PARD3B: variants seen among roughly 807,000 people sequenced by gnomAD.
The protein encoded by PARD3B is par-3 family cell polarity regulator beta.
Under a neutral mutation model 130.2 loss-of-function variants are expected in PARD3B, and 103 were observed. The ratio of observed to expected loss-of-function variants is 0.79; its 90% CI spans 0.67 to 0.93. The LOEUF (loss-of-function observed/expected upper bound fraction) is 0.93. Among genes scored for constraint, PARD3B ranks in the 40% least tolerant of loss-of-function variants. PARD3B has a pLI of 0.00. For synonymous variants in PARD3B, 583 were observed against 553.2 expected (o/e 1.05, Z -0.76); for missense variants, 1,609 against 1,499.2 (o/e 1.07, Z -1.21).
chr2:205,169,520 TC>T (rs2035026891), intron 11 of PARD3B, among the ~76,000 whole-genome samples: 1 of 152,252 alleles, frequency 6.6e-6, no homozygotes, highest in Non-Finnish European at 1.5e-5. Context: ...TGACGTTGTC[TC>T]ATACTTCACA....
intron 1 of PARD3B, among the ~76,000 whole-genome samples, chr2:204,647,471 TA>T (rs1415290619): frequency 1.3e-5 from 2 of 151,880 alleles, no homozygotes; most frequent in African/African-American, 4.8e-5. Context: ...CTTATTTGCA[TA>T]TTTTTTTGAC....
At chr2:205,531,466 C>T (rs149038687) in intron 21 of PARD3B, among the ~76,000 whole-genome samples, 1 of 152,196 alleles carries the variant, frequency 6.6e-6, no homozygotes, top group African/African-American at 2.4e-5. Context: ...TTTCATATCT[C>T]CTGTCATATT....
chr2:204,965,378 T>C, intron 3 of PARD3B, 55 bp downstream of exon 3: 1 of 1,520,082 alleles, frequency 6.6e-7, no homozygotes, highest in South Asian at 1.2e-5. Flanking sequence ...CGTCATCTTG[T>C]TGATTAGGCA....
chr2:204,896,703 C>T (rs2046653933), intron 2 of PARD3B, among the ~76,000 whole-genome samples: 1 of 152,128 alleles, frequency 6.6e-6, no homozygotes. Context: ...TGACAAGACT[C>T]TACAGTCTTA....
chr2:204,958,061 C>T (rs1690423255), intron 2 of PARD3B, among the ~76,000 whole-genome samples: 1 of 152,094 alleles, frequency 6.6e-6, no homozygotes, highest in African/African-American at 2.4e-5. Flanking sequence ...TACATTAGTT[C>T]ACTTGACATG....
At chr2:205,138,766 G>A (rs2032703747) in intron 10 of PARD3B, among the ~76,000 whole-genome samples, 1 of 152,278 alleles carries the variant, frequency 6.6e-6, no homozygotes, top group African/African-American at 2.4e-5. Context: ...GTGTTTGTTT[G>A]TTCCATACTT....
rs1575935851 is a variant in PARD3B at position 205,142,723 on chromosome 2, C to A, written c.1435-15999C>A. ...TGAAACCCCGTCTCTACTAAAAATA[C>A]AAAAATTAGCCAGGCGTGGTGGTGC... is the stretch of plus-strand genomic sequence containing the variant. On this transcript the variant is annotated intron_variant, in intron 10 of 22. Coordinates refer to ENST00000406610, the MANE Select transcript of PARD3B (RefSeq NM_001302769.2). The surrounding 1 kb of genome is among the most constrained non-coding windows in gnomAD (Gnocchi z 4.3). 6.6e-6 allele frequency among the ~76,000 whole-genome samples: 1 copy of A among 151,750 alleles called. No homozygotes were observed. The highest frequency in any genetic ancestry group is 1.5e-5 in the Non-Finnish European group (1 of 67,928).
At chr2:204,823,616 T>G (rs564328048) in intron 2 of PARD3B, among the ~76,000 whole-genome samples, 85 of 152,182 alleles carry the variant, frequency 5.6e-4, no homozygotes, top group Non-Finnish European at 1.2e-3. Flanking sequence ...TGATACTTAT[T>G]TCCTTATTAA....
At chr2:205,037,513 T>G (rs1480176114) in intron 3 of PARD3B, among the ~76,000 whole-genome samples, 2 of 146,562 alleles carry the variant, frequency 1.4e-5, no homozygotes, top group East Asian at 3.9e-4. Context: ...GTGGACTATA[T>G]ATATAAAATA....
intron 2 of PARD3B, among the ~76,000 whole-genome samples, chr2:204,803,879 A>G (rs896869575): frequency 1.3e-5 from 2 of 152,162 alleles, no homozygotes; most frequent in African/African-American, 4.8e-5. Context: ...TTGAATGTAA[A>G]TAGACTAAAC....
Position 204,848,425 on chromosome 2 carries a change from G to C in PARD3B, c.223-116727G>C, listed in dbSNP as rs74325682. On this transcript the variant is annotated intron_variant, in intron 2 of 22. Coordinates refer to ENST00000406610, the MANE Select transcript of PARD3B (RefSeq NM_001302769.2). ...TTTCTGGCTTCCAGAATTGCTGTCA[G>C]AATATCAGCTGTCAGCCTGGGCAAC... is the stretch of plus-strand genomic sequence containing the variant. 0.012 allele frequency among the ~76,000 whole-genome samples: 1,877 copies of C among 152,180 alleles called. 60 individuals are homozygous for C. In the East Asian group the frequency reaches 0.15, roughly 12 times the overall value.
At chr2:204,566,135 G>A (rs1391752338) in intron 1 of PARD3B, among the ~76,000 whole-genome samples, 1 of 152,182 alleles carries the variant, frequency 6.6e-6, no homozygotes, top group Non-Finnish European at 1.5e-5. Context: ...TAAACCATGA[G>A]ATTCCAAAAG....
chr2:204,715,478 G>A (rs1346338427), intron 2 of PARD3B, among the ~76,000 whole-genome samples: 1 of 145,456 alleles, frequency 6.9e-6, no homozygotes, highest in Admixed American at 6.8e-5. Context: ...AGCAGATGCT[G>A]TTTTTCTTTT....
chr2:205,042,230 C>A (rs1559380970), intron 3 of PARD3B, among the ~76,000 whole-genome samples: 1 of 152,184 alleles, frequency 6.6e-6, no homozygotes, highest in Admixed American at 6.5e-5. Context: ...TTAATACCAG[C>A]TGCCCCACCA....
intron 2 of PARD3B, among the ~76,000 whole-genome samples, chr2:204,798,569 A>G (rs925780152): frequency 6.6e-6 from 1 of 152,108 alleles, no homozygotes; most frequent in Non-Finnish European, 1.5e-5. Flanking sequence ...CAGCGAAGGG[A>G]GCGCTTGCCA....
chr2:204,746,420 T>A (rs1202442167), intron 2 of PARD3B, among the ~76,000 whole-genome samples: 5 of 151,986 alleles, frequency 3.3e-5, no homozygotes, highest in African/African-American at 1.2e-4. Flanking sequence ...TTTGCTATTG[T>A]GAATAGTGCC....
intron 21 of PARD3B, among the ~76,000 whole-genome samples, chr2:205,531,328 C>G (rs2051583154): frequency 6.6e-6 from 1 of 152,084 alleles, no homozygotes; most frequent in African/African-American, 2.4e-5. Context: ...AGGAAATGAT[C>G]TTATTGAGCT....
chr2:205,361,296 T>C (rs915122630), intron 18 of PARD3B, among the ~76,000 whole-genome samples: 1 of 152,158 alleles, frequency 6.6e-6, no homozygotes, highest in Non-Finnish European at 1.5e-5. Context: ...TCGGAGAAGA[T>C]GGTAGATGGA....
chr2:205,006,517 T>G (rs967722134), intron 3 of PARD3B, among the ~76,000 whole-genome samples: 1 of 152,242 alleles, frequency 6.6e-6, no homozygotes, highest in African/African-American at 2.4e-5. Context: ...AGAAGTAAGG[T>G]GGAATCTCAT....
Sources: allele counts gnomAD v4.1 joint callset (sites outside exome capture counted in the v4.1 genomes callset), GRCh38; gene constraint gnomAD v4.1.1; non-coding constraint Gnocchi (gnomAD v3.1); transcripts MANE v1.5; gene names NCBI Gene and HGNC (gene_info 2026-07-23, HGNC 2026-07-21).